ZIM2: variants seen among roughly 807,000 people sequenced by gnomAD.
ZIM2 encodes zinc finger protein 656.
ZIM2 carries 14 observed loss-of-function variants against 38.6 expected under a neutral mutation model. The observed-to-expected ratio is 0.36, with a 90% CI of 0.24 to 0.57. The LOEUF is 0.57. Ranked by LOEUF, ZIM2 falls within the 20% of genes least tolerant of loss-of-function variation. ZIM2 has a pLI of 0.81. For missense variants in ZIM2, 680 were observed against 695.1 expected (o/e 0.98, Z 0.24); for synonymous variants, 247 against 245.8 (o/e 1.00, Z -0.04).
At chr19:56,816,800 G>A (rs966323343) in intron 9 of ZIM2, 5 of 1,614,064 alleles carry the variant, frequency 3.1e-6, no homozygotes, top group Non-Finnish European at 3.4e-6. Flanking sequence ...CTAAAGGTGG[G>A]GCTAGGCATG....
At chr19:56,805,898 G>T (rs2047735390) in intron 9 of ZIM2, among the ~76,000 whole-genome samples, 1 of 152,168 alleles carries the variant, frequency 6.6e-6, no homozygotes, top group African/African-American at 2.4e-5. Flanking sequence ...GATAAAATTG[G>T]AATATTGACA....
chr19:56,777,089 A>G (rs1275657583), intron 12 of ZIM2, among the ~76,000 whole-genome samples: 2 of 152,190 alleles, frequency 1.3e-5, no homozygotes, highest in East Asian at 3.9e-4. Context: ...AAGCCAAGGA[A>G]GTCAAGTATA....
Position 56,803,681 on chromosome 19 carries a change from G to C in ZIM2, c.491-13730C>G, listed in dbSNP as rs534745037. 3.3e-5 allele frequency among the ~76,000 whole-genome samples: 5 copies of C among 152,360 alleles called. No homozygotes were observed. In the South Asian group the frequency reaches 1.0e-3, roughly 32 times the overall value. On this transcript the variant is annotated intron_variant, in intron 9 of 12. Transcript: ENST00000629319. The stretch of plus-strand genomic sequence containing the variant: ...AAGAAAACCAGCCCACATGGCAATA[G>C]TCCGTTGCTGAAGCCACCAGAAGTG...
intron 9 of ZIM2, chr19:56,810,720 G>A (rs1376220844): frequency 3.0e-6 from 3 of 983,858 alleles, no homozygotes; most frequent in Non-Finnish European, 1.2e-6. Flanking sequence ...AAGACTTTAT[G>A]CACACATATT....
Position 56,815,538 on chromosome 19 carries a change from G to A in ZIM2, c.490+2208C>T, listed in dbSNP as rs554153838. On this transcript the variant is annotated intron_variant, in intron 9 of 12. Transcript: ENST00000629319. ...ACTCCCCACACTCCTGACATTCATAGAGCATCCCTCGAGGGCGAAATGTTT... is the reference window on the plus strand; with the variant it reads ...ACTCCCCACACTCCTGACATTCATAAAGCATCCCTCGAGGGCGAAATGTTT... The A allele has an allele frequency of 6.2e-6, 10 of 1,614,084 alleles. No homozygotes were observed. The South Asian group carries it at 7.7e-5, about 12-fold the overall frequency.
intron 9 of ZIM2, among the ~76,000 whole-genome samples, chr19:56,804,614 A>G (rs1387054241): frequency 6.6e-6 from 1 of 152,198 alleles, no homozygotes; most frequent in Non-Finnish European, 1.5e-5. Flanking sequence ...CATTTTACAG[A>G]AGAGGAAACT....
rs1331003841 is a variant in ZIM2 at position 56,817,334 on chromosome 19, C to A, written c.490+412G>T. ...TTAAACCTAAAGCCTCCCCTAAATG[C>A]ATTCCCTTCATAAACCCGCTGCTGG... On this transcript the variant is annotated intron_variant, in intron 9 of 12. Transcript: ENST00000629319. 15 of 1,613,964 alleles carry A rather than the reference C, an allele frequency of 9.3e-6. No homozygotes were observed. The highest frequency in any genetic ancestry group is 1.6e-4 in the Middle Eastern group (1 of 6,084).
At chr19:56,837,322 C>A (rs992226803) in intron 1 of ZIM2, among the ~76,000 whole-genome samples, 1 of 152,200 alleles carries the variant, frequency 6.6e-6, no homozygotes, top group Non-Finnish European at 1.5e-5. Context: ...GGACCACCCG[C>A]AGCCCTGAAT....
intron 2 of ZIM2, among the ~76,000 whole-genome samples, chr19:56,832,835 C>T (rs911434381): frequency 1.3e-5 from 2 of 152,180 alleles, no homozygotes; most frequent in South Asian, 2.1e-4. Context: ...ACAAGCCTGG[C>T]GCTGCCTGCT....
At chr19:56,792,950 T>C (rs1205498339) in intron 9 of ZIM2, 1 of 152,696 alleles carries the variant, frequency 6.5e-6, no homozygotes, top group Non-Finnish European at 1.5e-5. Flanking sequence ...GTGCCAGGCA[T>C]ACAGCAGATA....
At position 56,774,761 on chromosome 19, in the gene ZIM2, C is replaced by T. The variant is rs770579095; in HGVS notation, c.1604G>A (p.Gly535Asp). ...YQCQLCGKCFGRPSYLTQHYQ... is the reference protein window; with the variant it reads ...YQCQLCGKCFDRPSYLTQHYQ... ...ATGTTGAGTGAGGTATGAGGGTCGG[C>T]CGAAACATTTCCCACATAGCTGACA... The change falls in exon 13 of 13, where the codon GGC becomes GAC. Residue 535 changes from glycine to aspartate, a missense_variant. Transcript: ENST00000629319. The T allele has an allele frequency of 6.2e-7, 1 of 1,614,068 alleles. No individual in the cohort carries two copies. The highest frequency in any genetic ancestry group is 1.1e-5 in the South Asian group (1 of 91,066).
At chr19:56,816,666 A>G in intron 9 of ZIM2, 1 of 1,614,036 alleles carries the variant, frequency 6.2e-7, no homozygotes, top group Non-Finnish European at 8.5e-7. Flanking sequence ...GTTCACGCTC[A>G]TTATCTTTGT....
At chr19:56,802,362 C>T (rs1307506295) in intron 9 of ZIM2, among the ~76,000 whole-genome samples, 1 of 152,128 alleles carries the variant, frequency 6.6e-6, no homozygotes, top group Non-Finnish European at 1.5e-5. Context: ...CTTTATTGAG[C>T]TCCTAAAATA....
At chr19:56,819,605 T>C (rs575690032) in intron 7 of ZIM2, among the ~76,000 whole-genome samples, 2 of 152,234 alleles carry the variant, frequency 1.3e-5, no homozygotes, top group East Asian at 3.9e-4. Flanking sequence ...CAAAGAAGGA[T>C]TGCACCAATT....
At chr19:56,815,815 G>A (rs2059927621) in intron 9 of ZIM2, 2 of 1,613,424 alleles carry the variant, frequency 1.2e-6, no homozygotes, top group Non-Finnish European at 1.7e-6. Flanking sequence ...CTCTCTGGCA[G>A]GAATCTTCTG....
chr19:56,812,504 AAGGATACT>A (rs2146099426), intron 9 of ZIM2: 1 of 985,554 alleles, frequency 1.0e-6, no homozygotes, highest in South Asian at 4.7e-5. Flanking sequence ...AGAAAGATCT[AAGGATACT>A]AGCTCCTGGG....
chr19:56,839,861 G>A (rs1275719830), intron 1 of ZIM2, among the ~76,000 whole-genome samples: 1 of 149,814 alleles, frequency 6.7e-6, no homozygotes, highest in African/African-American at 2.5e-5. Flanking sequence ...ATGCCACCCA[G>A]TCACTTGAGC....
intron 9 of ZIM2, chr19:56,816,762 G>A (rs986516947): frequency 1.2e-6 from 2 of 1,613,968 alleles, no homozygotes; most frequent in African/African-American, 2.7e-5. Flanking sequence ...CGTAGAATTT[G>A]TCTTTGCCAT....
At chr19:56,807,298 C>T (rs2047804962) in intron 9 of ZIM2, among the ~76,000 whole-genome samples, 1 of 152,142 alleles carries the variant, frequency 6.6e-6, no homozygotes, top group African/African-American at 2.4e-5. Context: ...CAACGTATCC[C>T]TTTATGCGCT....
Sources: allele counts gnomAD v4.1 joint callset (sites outside exome capture counted in the v4.1 genomes callset), GRCh38; gene constraint gnomAD v4.1.1; transcripts MANE v1.5; gene names NCBI Gene and HGNC (gene_info 2026-07-23, HGNC 2026-07-21).